Variants in CUBN observed in about 807,000 individuals in gnomAD.
CUBN encodes the protein 460 kDa receptor.
In CUBN, 282 loss-of-function variants were observed where a neutral mutation model predicts 405.3. The observed-to-expected ratio is 0.70, with a 90% CI of 0.63 to 0.77. CUBN has a LOEUF of 0.77. CUBN is among the 30% of genes least tolerant of loss of function. The pLI, the probability that CUBN is intolerant of heterozygous loss-of-function variation, is 0.00. For missense variants in CUBN, 4,514 were observed against 4,475.2 expected, an observed-to-expected ratio of 1.01 and a Z score of -0.25; for synonymous variants, 1,684 against 1,617.0, an observed-to-expected ratio of 1.04 and a Z score of -0.99.
intron 56 of CUBN, among the ~76,000 whole-genome samples, chr10:16,881,157 A>G (rs1028349265): frequency 3.3e-5 from 5 of 152,252 alleles, no homozygotes; most frequent in African/African-American, 1.2e-4. Flanking sequence ...AACCAAAATC[A>G]CAGAATGTAG....
At chr10:16,861,067 A>G (rs1346472002) in intron 59 of CUBN, among the ~76,000 whole-genome samples, 3 of 151,828 alleles carry the variant, frequency 2.0e-5, no homozygotes, top group African/African-American at 4.8e-5. Flanking sequence ...AGCATTACCA[A>G]TGTTCAGGTT....
At chr10:17,088,805 A>G (rs1190227565) in intron 14 of CUBN, among the ~76,000 whole-genome samples, 2 of 152,248 alleles carry the variant, frequency 1.3e-5, no homozygotes, top group African/African-American at 2.4e-5. Flanking sequence ...TCTTAATACT[A>G]TCATATAGTT....
At chr10:17,037,234 T>A (rs1040531804) in intron 27 of CUBN, among the ~76,000 whole-genome samples, 2 of 152,212 alleles carry the variant, frequency 1.3e-5, no homozygotes, top group Admixed American at 1.3e-4. Context: ...GACATTTTTA[T>A]CAATTATTTT....
chr10:16,942,851 AG>A (rs1257413159), intron 36 of CUBN, among the ~76,000 whole-genome samples: 61 of 117,208 alleles, frequency 5.2e-4, no homozygotes, highest in African/African-American at 2.2e-3. Context: ...GGGAAGGGGA[AG>A]GGGAAGGGAA....
chr10:17,009,901 A>G (rs1025999249), intron 28 of CUBN, among the ~76,000 whole-genome samples: 1 of 152,220 alleles, frequency 6.6e-6, no homozygotes, highest in Non-Finnish European at 1.5e-5. Context: ...AACAAACAGT[A>G]CAATGTGCCC....
chr10:17,105,403 G>A, intron 11 of CUBN, 54 bp downstream of exon 11: 1 of 989,870 alleles, frequency 1.0e-6, no homozygotes. Flanking sequence ...CATTTTATAG[G>A]CGTGAAACTA....
intron 57 of CUBN, among the ~76,000 whole-genome samples, chr10:16,875,462 A>G (rs1199073045): frequency 6.6e-6 from 1 of 152,136 alleles, no homozygotes; most frequent in Non-Finnish European, 1.5e-5. Flanking sequence ...CATCCTCAGA[A>G]ATGAGGAACA....
intron 28 of CUBN, among the ~76,000 whole-genome samples, chr10:17,010,120 A>C (rs1338594739): frequency 6.6e-6 from 1 of 152,214 alleles, no homozygotes; most frequent in Non-Finnish European, 1.5e-5. Flanking sequence ...CCCAGGGTTC[A>C]TGTGCACAGG....
At chr10:16,889,085 G>A (rs1314269746) in intron 55 of CUBN, among the ~76,000 whole-genome samples, 2 of 152,092 alleles carry the variant, frequency 1.3e-5, no homozygotes, top group African/African-American at 4.8e-5. Context: ...TGCATCCCTG[G>A]TTTTCGAAAC....
intron 14 of CUBN, among the ~76,000 whole-genome samples, chr10:17,097,767 CAT>C: frequency 6.6e-6 from 1 of 152,240 alleles, no homozygotes; most frequent in Middle Eastern, 3.4e-3. Flanking sequence ...GGACAAAAAA[CAT>C]ATGATCACCT....
chr10:16,879,629 C>A (rs1189078642), intron 56 of CUBN, among the ~76,000 whole-genome samples: 1 of 152,128 alleles, frequency 6.6e-6, no homozygotes, highest in Non-Finnish European at 1.5e-5. Context: ...TGGCCATAGA[C>A]CTTGGTTCAA....
intron 40 of CUBN, among the ~76,000 whole-genome samples, chr10:16,930,936 A>C (rs191819443): frequency 6.6e-6 from 1 of 152,300 alleles, no homozygotes; most frequent in Admixed American, 6.5e-5. Context: ...GGCTGGGCAA[A>C]GAACAAATAA....
chr10:17,028,294 A>G (rs1834717446), intron 27 of CUBN, among the ~76,000 whole-genome samples: 1 of 151,472 alleles, frequency 6.6e-6, no homozygotes, highest in Admixed American at 6.6e-5. Context: ...CCTGCTGCAG[A>G]TGGTCTCAGG....
intron 59 of CUBN, among the ~76,000 whole-genome samples, chr10:16,858,094 C>T (rs1052122767): frequency 6.6e-6 from 1 of 151,898 alleles, no homozygotes; most frequent in Non-Finnish European, 1.5e-5. Flanking sequence ...TAGGTATATA[C>T]TTAATGAAGC....
At chr10:17,055,527 T>G in intron 22 of CUBN, among the ~76,000 whole-genome samples, 1 of 152,206 alleles carries the variant, frequency 6.6e-6, no homozygotes, top group Non-Finnish European at 1.5e-5. Flanking sequence ...TACTAAAGGA[T>G]TTATTTAAGT....
chr10:16,873,586 G>C (rs992951439), intron 58 of CUBN, among the ~76,000 whole-genome samples: 1 of 151,972 alleles, frequency 6.6e-6, no homozygotes, highest in Non-Finnish European at 1.5e-5. Flanking sequence ...GCAGGGCATG[G>C]TGGCGCCTGC....
At position 16,900,729 on chromosome 10, in the gene CUBN, G is replaced by A; in HGVS notation, c.8306C>T (p.Pro2769Leu). ...IIGQYCGNSN[P>L]RTIQSGSNQL... ...ATTGGAACCTGACTGTATTGTCCTG[G>A]GGTTTGAATTTCCACAGTATTGTCC... Residue 2769 changes from proline (P) to leucine (L), a missense_variant, in exon 53 of 67, where the codon CCC becomes CTC. Physicochemically the swap from Pro to Leu is moderately conservative, Grantham distance 98 (BLOSUM62 -3). This residue lies in a region of CUBN where 1,186 missense variants were observed against 1,186.9 expected (regional missense o/e 1.00). Transcript: ENST00000377833. 6.2e-7 allele frequency: 1 copy of A among 1,614,098 alleles called. No homozygotes were observed. The highest frequency in any genetic ancestry group is 8.5e-7 in the Non-Finnish European group (1 of 1,179,990).
intron 4 of CUBN, among the ~76,000 whole-genome samples, 155 bp from the exon 5 acceptor site, chr10:17,123,844 C>G (rs1227963051): frequency 6.6e-6 from 1 of 152,174 alleles, no homozygotes; most frequent in Non-Finnish European, 1.5e-5. Context: ...CAAATCACCT[C>G]TCTTGTGAAA....
At chr10:17,093,033 T>C (rs1564512570) in intron 14 of CUBN, among the ~76,000 whole-genome samples, 2 of 152,160 alleles carry the variant, frequency 1.3e-5, no homozygotes, top group East Asian at 1.9e-4. Context: ...AAGAGAAGCA[T>C]ATAAAGTATG....
Sources: allele counts gnomAD v4.1 joint callset (sites outside exome capture counted in the v4.1 genomes callset), GRCh38; gene constraint gnomAD v4.1.1; regional missense constraint gnomAD v4.1.1; transcripts MANE v1.5; gene names NCBI Gene and HGNC (gene_info 2026-07-23, HGNC 2026-07-21).